NLRC5: variants seen among roughly 807,000 people sequenced by gnomAD.
The protein encoded by NLRC5 is protein NLRC5.
NLRC5 carries 114 observed loss-of-function variants against 206.9 expected under a neutral mutation model. That is an observed-to-expected ratio of 0.55 (90% CI 0.47 to 0.64). The LOEUF is 0.64. Ranked by LOEUF, NLRC5 falls within the 30% of genes least tolerant of loss-of-function variation. The pLI, the probability that NLRC5 is intolerant of heterozygous loss-of-function variation, is 0.00. For synonymous variants in NLRC5, 952 were observed against 962.8 expected (o/e 0.99, Z 0.21); for missense variants, 2,008 against 2,305.5 (o/e 0.87, Z 2.64).
chr16:57,031,675 G>A (rs559438900), intron 11 of NLRC5, among the ~76,000 whole-genome samples: 141 of 150,472 alleles, frequency 9.4e-4, no homozygotes, highest in Non-Finnish European at 1.7e-3. Flanking sequence ...CCCTGTGGAA[G>A]GAAGCATCCC....
chr16:57,067,724 G>C lies in NLRC5; in HGVS notation c.4407-12G>C. 1 of 1,612,042 alleles carries C rather than the reference G, an allele frequency of 6.2e-7. No homozygotes were observed. The highest frequency in any genetic ancestry group is 1.1e-5 in the South Asian group (1 of 91,026). ...GCCTGAAATCCTCTAGAATATCCTT[G>C]GACCTTTTCAGCTTGTCTCAGGTTA... is the stretch of plus-strand genomic sequence containing the variant. On this transcript the variant is annotated splice_polypyrimidine_tract_variant and intron_variant, in intron 35 of 48. Coordinates refer to ENST00000688547, the MANE Select transcript of NLRC5 (RefSeq NM_001384950.1).
At chr16:57,023,048 A>C (rs1362096519) in intron 4 of NLRC5, among the ~76,000 whole-genome samples, 1 of 152,188 alleles carries the variant, frequency 6.6e-6, no homozygotes, top group Non-Finnish European at 1.5e-5. Flanking sequence ...TAAGATATTG[A>C]AGTGCTCTCG....
At position 57,069,919 on chromosome 16, in the gene NLRC5, A is replaced by G. The variant is rs1342572361; in HGVS notation, c.4583A>G (p.Asp1528Gly). Residue 1528 changes from aspartate to glycine, a missense_variant and splice_region_variant, in exon 37 of 49, where the codon GAC becomes GGC. Physicochemically the swap from Asp to Gly is moderately conservative, Grantham distance 94. Transcript: ENST00000688547. ...CACTGCCACCACTTGGAGGAGCTGG[A>G]GTGAGTTGCAGAGTGGAGGGATTGG... ...LGHCHHLEEL[D>G]LSNNQFDEEG... The G allele has an allele frequency of 6.4e-7, 1 of 1,571,258 alleles. No homozygotes were observed. The highest frequency in any genetic ancestry group is 8.6e-7 in the Non-Finnish European group (1 of 1,158,766).
rs896967221 is a variant in NLRC5 at position 57,029,796 on chromosome 16, A to G, written c.2267A>G (p.Asp756Gly). ...AGTTTTCGGGACAACCAGCTCAGTG[A>G]CCAGGTGGTGCTGAACATTGTGGAG... ...EVSFRDNQLS[D>G]QVVLNIVEVL... is the part of the protein sequence containing the mutation. The change falls in exon 9 of 49, where the codon GAC (aspartate) becomes GGC (glycine). Residue 756 changes from aspartate (D) to glycine (G), a missense_variant. By Grantham distance (94) the Asp-to-Gly change is moderately conservative. Transcript: ENST00000688547. 6.2e-7 allele frequency: 1 copy of G among 1,614,152 alleles called. No homozygotes were observed. Among genetic ancestry groups the G allele is most frequent in the Non-Finnish European group, 8.5e-7 (1 of 1,180,002 alleles).
intron 46 of NLRC5, among the ~76,000 whole-genome samples, chr16:57,080,632 C>T (rs1439232646): frequency 1.3e-5 from 2 of 151,926 alleles, no homozygotes; most frequent in East Asian, 3.9e-4. Context: ...TTACAAGTGC[C>T]CACCACCACA....
intron 13 of NLRC5, 23 bp downstream of exon 13, chr16:57,034,274 G>T: frequency 6.2e-7 from 1 of 1,607,382 alleles, no homozygotes. Context: ...GGAAGCCCTG[G>T]CGTAGGAGCC....
At chr16:57,040,770 C>T (rs1203249436) in intron 17 of NLRC5, 52 bp downstream of exon 17, 1 of 1,554,584 alleles carries the variant, frequency 6.4e-7, no homozygotes, top group Non-Finnish European at 8.9e-7. Flanking sequence ...CTCCCTTCCC[C>T]TGCTCAGAGC....
chr16:57,034,563 G>A (rs2143104809), intron 13 of NLRC5: 1 of 298,820 alleles, frequency 3.3e-6, no homozygotes, highest in South Asian at 4.2e-5. Context: ...CACACAGGTA[G>A]GAAGAGTCTA....
Position 57,059,037 on chromosome 16 carries a change from C to T in NLRC5, c.3896C>T (p.Pro1299Leu). The change falls in exon 29 of 49, where the codon CCA becomes CTA. Residue 1299 changes from proline to leucine, a missense_variant. Coordinates refer to ENST00000688547, the MANE Select transcript of NLRC5 (RefSeq NM_001384950.1). ...CTGCTGGAGACACTGCCCTCCTGCC[C>T]ACGTGTCCGGGAGGCCTCAGTGAAG... ...LYLLETLPSC[P>L]RVREASVNLG... The T allele has an allele frequency of 6.2e-7, 1 of 1,614,112 alleles. No individual in the cohort carries two copies. The highest frequency in any genetic ancestry group is 8.5e-7 in the Non-Finnish European group (1 of 1,180,008).
intron 34 of NLRC5, 23 bp from the exon 35 acceptor site, chr16:57,067,364 G>A: frequency 6.2e-7 from 1 of 1,608,470 alleles, no homozygotes; most frequent in Non-Finnish European, 8.5e-7. Flanking sequence ...TTCCAAAACT[G>A]TCGTCTCCCT....
chr16:57,041,797 C>T (rs1458340930), intron 18 of NLRC5, among the ~76,000 whole-genome samples, 185 bp from the exon 19 acceptor site: 3 of 152,036 alleles, frequency 2.0e-5, no homozygotes, highest in Non-Finnish European at 2.9e-5. Flanking sequence ...CAGAGGTCCA[C>T]GAACCTCAGA....
At chr16:57,071,127 GGGT>G (rs2067680889) in intron 38 of NLRC5, among the ~76,000 whole-genome samples, 1 of 143,720 alleles carries the variant, frequency 7.0e-6, no homozygotes, top group Non-Finnish European at 1.5e-5. Flanking sequence ...GTGAGTGGTG[GGGT>G]TGGTTAATGG....
chr16:57,001,202 C>T (rs974568078), intron 1 of NLRC5, among the ~76,000 whole-genome samples: 4 of 152,254 alleles, frequency 2.6e-5, no homozygotes, highest in African/African-American at 9.6e-5. Context: ...TCCCCAGGCC[C>T]TGACCTGTCC....
intron 29 of NLRC5, 196 bp downstream of exon 29, chr16:57,059,257 T>TGG: frequency 6.8e-7 from 1 of 1,468,514 alleles, no homozygotes; most frequent in Non-Finnish European, 9.0e-7. Context: ...CCGGGTGCCA[T>TGG]GGGGACCATG....
intron 22 of NLRC5, 82 bp from the exon 23 acceptor site, chr16:57,047,462 TG>T: frequency 1.6e-6 from 2 of 1,226,656 alleles, no homozygotes; most frequent in Non-Finnish European, 2.3e-6. Context: ...TGAGGGATGC[TG>T]GGAGAAGGAT....
At chr16:57,024,702 G>T (rs191396289) in intron 5 of NLRC5, among the ~76,000 whole-genome samples, 1 of 152,296 alleles carries the variant, frequency 6.6e-6, no homozygotes, top group East Asian at 1.9e-4. Flanking sequence ...ACAGAAAGAG[G>T]TTGTTTCAAT....
At chr16:57,081,217 AG>A in intron 47 of NLRC5, 36 bp downstream of exon 47, 2 of 1,527,114 alleles carry the variant, frequency 1.3e-6, no homozygotes, top group Middle Eastern at 1.8e-4. Flanking sequence ...GACGGGCTAA[AG>A]GGGGACCTAC....
chr16:57,061,351 G>C, intron 30 of NLRC5, 97 bp from the exon 31 acceptor site: 1 of 1,215,614 alleles, frequency 8.2e-7, no homozygotes, highest in Non-Finnish European at 1.2e-6. Context: ...TCAGAGGTGG[G>C]ATGCTCCCCC....
At position 57,036,109 on chromosome 16, in the gene NLRC5, G is replaced by A. The variant is rs1029648271; in HGVS notation, c.2637G>A (p.Gly879=). Residue 879 remains glycine (G), a synonymous_variant, in exon 14 of 49, where the codon GGG becomes GGA. Coordinates refer to ENST00000688547, the MANE Select transcript of NLRC5 (RefSeq NM_001384950.1). ...GPHLEEVDLS[G]NQLEDEGCRL... Reference sequence around the variant, plus strand: ...GGGCCCCCCGTCTCAGCCTCTCAGGGAACCAGCTGGAAGATGAAGGCTGTC... The same window carrying A: ...GGGCCCCCCGTCTCAGCCTCTCAGGAAACCAGCTGGAAGATGAAGGCTGTC... The A allele has an allele frequency of 6.2e-7, 1 of 1,613,664 alleles. No individual in the cohort carries two copies. Among genetic ancestry groups the A allele is most frequent in the African/African-American group, 1.3e-5 (1 of 75,042 alleles).
Sources: allele counts gnomAD v4.1 joint callset (sites outside exome capture counted in the v4.1 genomes callset), GRCh38; gene constraint gnomAD v4.1.1; transcripts MANE v1.5; gene names NCBI Gene and HGNC (gene_info 2026-07-23, HGNC 2026-07-21).